The following ISL2 variants were observed in gnomAD, a reference collection of about 807,000 sequenced individuals.
The protein encoded by ISL2 is insulin gene enhancer protein ISL-2.
Under a neutral mutation model 34.6 loss-of-function variants are expected in ISL2, and 17 were observed. That is an observed-to-expected ratio of 0.49 (90% CI 0.34 to 0.74). ISL2 has a LOEUF of 0.74. ISL2 is among the 30% of genes least tolerant of loss of function. ISL2 has a pLI of 0.01. For missense variants in ISL2, 469 were observed against 515.2 expected (o/e 0.91, Z 0.87); for synonymous variants, 232 against 225.5 (o/e 1.03, Z -0.26).
At chr15:76,340,918 T>C (rs1243300738) in intron 4 of ISL2, among the ~76,000 whole-genome samples, 2 of 152,218 alleles carry the variant, frequency 1.3e-5, no homozygotes, top group Admixed American at 1.3e-4. Flanking sequence ...CACCGGGCGG[T>C]TGGCTTCCAG....
At chr15:76,341,653 G>C in intron 5 of ISL2, 66 bp from the exon 6 acceptor site, 2 of 1,212,330 alleles carry the variant, frequency 1.6e-6, no homozygotes, top group Non-Finnish European at 2.4e-6. Context: ...CTCGGAGCAC[G>C]CGGCCCTGGA....
chr15:76,337,847 C>T lies in ISL2; in HGVS notation c.128C>T (p.Ser43Leu). ...QIHDQFILRV[S>L]PDLEWHAACL... ...CACGACCAGTTTATCCTGCGGGTGT[C>T]GCCCGACCTCGAGTGGCACGCGGCC... Residue 43 changes from serine to leucine, a missense_variant, in exon 2 of 6, where the codon TCG becomes TTG. This residue lies in a region of ISL2 where 297 missense variants were observed against 337.8 expected (regional missense o/e 0.88). Transcript: ENST00000290759. 6.2e-7 allele frequency: 1 copy of T among 1,612,374 alleles called. No individual in the cohort carries two copies. Among genetic ancestry groups the T allele is most frequent in the Non-Finnish European group, 8.5e-7 (1 of 1,179,528 alleles).
chr15:76,341,444 C>A, intron 5 of ISL2, 143 bp downstream of exon 5: 1 of 829,094 alleles, frequency 1.2e-6, no homozygotes, highest in Non-Finnish European at 1.8e-6. Context: ...GGAACAGTGG[C>A]GGGCTCTGAA....
intron 3 of ISL2, 89 bp from the exon 4 acceptor site, chr15:76,340,186 GC>G (rs2141583085): frequency 7.0e-7 from 1 of 1,435,194 alleles, no homozygotes; most frequent in Non-Finnish European, 9.1e-7. Context: ...ACGAAATCGG[GC>G]CCCGGGGGGC....
chr15:76,337,196 C>A (rs150863129), intron 1 of ISL2, among the ~76,000 whole-genome samples: 1 of 148,836 alleles, frequency 6.7e-6, no homozygotes, highest in Admixed American at 6.7e-5. Flanking sequence ...TTCTGTTTTG[C>A]GCAAAGGCAA....
At chr15:76,340,207 C>A in intron 3 of ISL2, 69 bp from the exon 4 acceptor site, 1 of 1,172,780 alleles carries the variant, frequency 8.5e-7, no homozygotes, top group Non-Finnish European at 1.2e-6. Flanking sequence ...CTGGGCCACC[C>A]GGAGGTTGGG....
chr15:76,339,479 G>A, intron 3 of ISL2: 1 of 985,642 alleles, frequency 1.0e-6, no homozygotes, highest in Non-Finnish European at 1.2e-6. Context: ...ACCCCCATCT[G>A]GGATCTCGGA....
rs758338405 is a variant in ISL2 at position 76,336,972 on chromosome 15, G to A, written c.58+31G>A. 15 of 1,567,056 alleles carry A rather than the reference G, an allele frequency of 9.6e-6. No individual in the cohort carries two copies. In the Admixed American group the frequency reaches 2.2e-4, roughly 23 times the overall value. On this transcript the variant is annotated intron_variant, in intron 1 of 5. Coordinates refer to ENST00000290759, the MANE Select transcript of ISL2 (RefSeq NM_145805.3). ...TATTTCTGTGTGTGTGTGGGGTGGG[G>A]TGTGTGTGTATGCTTAATATGCAAA...
Position 76,336,818 on chromosome 15 carries a change from G to A in ISL2, c.-66G>A. On this transcript the variant is annotated 5_prime_UTR_variant, in exon 1 of 6. Transcript: ENST00000290759. ...TAGGAGTTAGTTAGCAAAGAGCCGA[G>A]GCCGGGCGCGCGACCCTCGTCCTTC... is the stretch of plus-strand genomic sequence containing the variant. 7.0e-7 allele frequency: 1 copy of A among 1,432,544 alleles called. No individual in the cohort carries two copies. The highest frequency in any genetic ancestry group is 9.8e-7 in the Non-Finnish European group (1 of 1,015,338). The allele number at this position is 1,432,544 out of a possible 1,614,324, so 88.7% of individuals were successfully genotyped here. A position where few individuals can be genotyped will look rare whatever the true frequency, so the allele number is the denominator to read the frequency against.
At chr15:76,341,621 G>A in intron 5 of ISL2, 98 bp from the exon 6 acceptor site, 1 of 947,604 alleles carries the variant, frequency 1.1e-6, no homozygotes, top group Non-Finnish European at 1.7e-6. Context: ...CTGGCGGCCG[G>A]TCCCCAAGGG....
At chr15:76,340,069 G>C in intron 3 of ISL2, 4 of 1,395,546 alleles carry the variant, frequency 2.9e-6, no homozygotes, top group Non-Finnish European at 3.7e-6. Context: ...GGGGCAGTCC[G>C]GCCCGGGAGC....
intron 2 of ISL2, 86 bp from the exon 3 acceptor site, chr15:76,338,166 C>T: frequency 6.8e-7 from 1 of 1,468,902 alleles, no homozygotes; most frequent in South Asian, 1.3e-5. Context: ...ACAAAGTGTC[C>T]TGGGCGCGCG....
At chr15:76,337,623 C>G (rs2040160617) in intron 1 of ISL2, 155 bp from the exon 2 acceptor site, 1 of 619,260 alleles carries the variant, frequency 1.6e-6, no homozygotes, top group Non-Finnish European at 2.6e-6. Context: ...TTCCAATGCC[C>G]TGGACCTTTA....
At chr15:76,340,748 G>C (rs1425631887) in intron 4 of ISL2, among the ~76,000 whole-genome samples, 189 bp downstream of exon 4, 1 of 152,252 alleles carries the variant, frequency 6.6e-6, no homozygotes, top group African/African-American at 2.4e-5. Context: ...CTGGGATCGG[G>C]GTTTCTCCTT....
intron 1 of ISL2, chr15:76,337,550 C>G (rs2040159950): frequency 2.1e-6 from 1 of 467,330 alleles, no homozygotes; most frequent in Non-Finnish European, 3.8e-6. Context: ...AATGTAATAA[C>G]GAAATATTTG....
intron 2 of ISL2, 117 bp downstream of exon 2, chr15:76,338,084 C>T (rs2040165889): frequency 2.3e-6 from 3 of 1,314,512 alleles, no homozygotes; most frequent in East Asian, 3.1e-5. Flanking sequence ...ATCCGCATCC[C>T]GCACGGGTGC....
In ISL2 at chr15:76,340,568, C is replaced by T; in HGVS notation, c.795+9C>T. ...AGCACAGCGACAAGACGGTGAGCAG[C>T]CGCTGGGCCGGAGGCTCGAGTCGGG... On this transcript the variant is annotated intron_variant, in intron 4 of 5. Transcript: ENST00000290759. 1 of 1,596,058 alleles carries T rather than the reference C, an allele frequency of 6.3e-7. No homozygotes were observed. The highest frequency in any genetic ancestry group is 8.6e-7 in the Non-Finnish European group (1 of 1,168,320).
At chr15:76,341,697 C>T in intron 5 of ISL2, 22 bp from the exon 6 acceptor site, 1 of 1,557,816 alleles carries the variant, frequency 6.4e-7, no homozygotes, top group South Asian at 1.1e-5. Context: ...CCTGCCTCTT[C>T]CCGGTGTTTC....
rs201693593 is a variant in ISL2 at position 76,341,341 on chromosome 15, C to G, written c.963+40C>G. 8.3e-5 allele frequency: 110 copies of G among 1,321,404 alleles called. 1 individual carries two copies. The Middle Eastern group carries it at 8.5e-4, about 10-fold the overall frequency. 81.9% of individuals were successfully genotyped at this position (1,321,404 alleles called of 1,614,324 possible). ...TACCCGCCCCGACCTCGGGACTCTGCGGGTTGGGGATTTAGCCACTTAGCC... is the reference window on the plus strand; with the variant it reads ...TACCCGCCCCGACCTCGGGACTCTGGGGGTTGGGGATTTAGCCACTTAGCC... On this transcript the variant is annotated intron_variant, in intron 5 of 5. Coordinates refer to ENST00000290759, the MANE Select transcript of ISL2 (RefSeq NM_145805.3).
Sources: allele counts gnomAD v4.1 joint callset (sites outside exome capture counted in the v4.1 genomes callset), GRCh38; gene constraint gnomAD v4.1.1; regional missense constraint gnomAD v4.1.1; transcripts MANE v1.5; gene names NCBI Gene and HGNC (gene_info 2026-07-23, HGNC 2026-07-21).